The following KSR2 variants were observed in gnomAD, a reference collection of about 807,000 sequenced individuals.
KSR2 encodes kinase suppressor of ras 2.
KSR2 carries 25 observed loss-of-function variants against 107.8 expected under a neutral mutation model. The observed-to-expected ratio is 0.23, with a 90% confidence interval of 0.17 to 0.32. KSR2 has a LOEUF of 0.32. Among genes scored for constraint, KSR2 ranks in the 10% least tolerant of loss-of-function variants. The pLI, the probability that KSR2 is intolerant of heterozygous loss-of-function variation, is 1.00. For synonymous variants in KSR2, 480 were observed against 507.0 expected (o/e 0.95, Z 0.71); for missense variants, 887 against 1,268.9 (o/e 0.70, Z 4.57).
intron 5 of KSR2, among the ~76,000 whole-genome samples, chr12:117,625,371 C>T (rs879210638): frequency 1.3e-5 from 2 of 152,064 alleles, no homozygotes; most frequent in African/African-American, 4.8e-5. Context: ...TTTTGAGATA[C>T]GTCCCATCAT....
At chr12:117,474,542 G>A (rs1384472299) in intron 17 of KSR2, among the ~76,000 whole-genome samples, 4 of 151,886 alleles carry the variant, frequency 2.6e-5, no homozygotes, top group Admixed American at 6.6e-5. Flanking sequence ...TTCCCAAACC[G>A]CTTCCCCAGT....
intron 1 of KSR2, among the ~76,000 whole-genome samples, chr12:117,933,914 G>GGC (rs760694736): frequency 6.6e-6 from 1 of 152,144 alleles, no homozygotes; most frequent in Non-Finnish European, 1.5e-5. Flanking sequence ...AAAGATACAT[G>GGC]GCGCCTCTTA....
intron 2 of KSR2, 136 bp from the exon 3 acceptor site, chr12:117,855,714 G>T: frequency 1.2e-6 from 1 of 845,384 alleles, no homozygotes; most frequent in East Asian, 2.7e-5. Context: ...TCCGAATCTC[G>T]GGTTTGCCAC....
chr12:117,944,626 C>T (rs570503777), intron 1 of KSR2, among the ~76,000 whole-genome samples: 1 of 151,986 alleles, frequency 6.6e-6, no homozygotes, highest in African/African-American at 2.4e-5. Context: ...GAGGCGGAGA[C>T]AGGCAGACCT....
chr12:117,561,434 A>T (rs1298400602), intron 7 of KSR2, among the ~76,000 whole-genome samples: 1 of 152,228 alleles, frequency 6.6e-6, no homozygotes, highest in Non-Finnish European at 1.5e-5. Flanking sequence ...CAGCCCTAAG[A>T]AGTAGCAATT....
chr12:117,917,899 A>G (rs148769191), intron 1 of KSR2, among the ~76,000 whole-genome samples: 51 of 152,322 alleles, frequency 3.3e-4, no homozygotes, highest in African/African-American at 1.2e-3. Flanking sequence ...TAGGAGAGAT[A>G]ACAAAACCTG....
chr12:117,585,975 T>C (rs187446702), intron 5 of KSR2, among the ~76,000 whole-genome samples: 2 of 152,360 alleles, frequency 1.3e-5, no homozygotes, highest in Admixed American at 1.3e-4. Flanking sequence ...TTGCTGTTGA[T>C]GTCTTCTGAG....
intron 5 of KSR2, among the ~76,000 whole-genome samples, chr12:117,597,220 G>A (rs1290503378): frequency 1.3e-5 from 2 of 152,202 alleles, no homozygotes; most frequent in East Asian, 1.9e-4. Flanking sequence ...CACTGTGGTA[G>A]ACTGAATAAT....
chr12:117,835,916 T>C (rs1404490172), intron 3 of KSR2, among the ~76,000 whole-genome samples: 2 of 150,974 alleles, frequency 1.3e-5, no homozygotes, highest in South Asian at 2.1e-4. Context: ...GGATTAACGA[T>C]GAGCACTGTT....
intron 1 of KSR2, among the ~76,000 whole-genome samples, chr12:117,885,588 G>C (rs1377149185): frequency 6.6e-6 from 1 of 150,888 alleles, no homozygotes; most frequent in African/African-American, 2.4e-5. Context: ...ACATATATGT[G>C]CATGCTTATA....
At chr12:117,663,641 A>G (rs1486719877) in intron 5 of KSR2, among the ~76,000 whole-genome samples, 1 of 152,156 alleles carries the variant, frequency 6.6e-6, no homozygotes. Flanking sequence ...TAGACTCAAG[A>G]GGTTAAGTAA....
chr12:117,793,522 T>G (rs1342584613), intron 3 of KSR2, among the ~76,000 whole-genome samples: 1 of 74,116 alleles, frequency 1.3e-5, no homozygotes, highest in Non-Finnish European at 2.4e-5. Flanking sequence ...TATGCACACA[T>G]ACACCAACGT....
intron 1 of KSR2, among the ~76,000 whole-genome samples, chr12:117,880,172 G>T (rs1893983353): frequency 6.6e-6 from 1 of 152,010 alleles, no homozygotes; most frequent in African/African-American, 2.4e-5. Context: ...AAACAAAAAA[G>T]ATTTATATGA....
At chr12:117,509,147 A>G (rs1873883650) in intron 14 of KSR2, among the ~76,000 whole-genome samples, 1 of 152,170 alleles carries the variant, frequency 6.6e-6, no homozygotes, top group African/African-American at 2.4e-5. Context: ...GTCCAGCTAA[A>G]GATGAAGCAG....
intron 1 of KSR2, among the ~76,000 whole-genome samples, chr12:117,964,048 C>T (rs771014955): frequency 2.6e-5 from 4 of 152,182 alleles, no homozygotes; most frequent in East Asian, 1.9e-4. Flanking sequence ...GAGGCCGAGG[C>T]GGGCAGATCA....
chr12:117,714,397 C>G (rs930651475), intron 4 of KSR2, among the ~76,000 whole-genome samples: 1 of 151,954 alleles, frequency 6.6e-6, no homozygotes, highest in African/African-American at 2.4e-5. Flanking sequence ...CCCTAGGGAG[C>G]AGCAAAGAGG....
At chr12:117,667,145 C>T (rs949824527) in intron 5 of KSR2, among the ~76,000 whole-genome samples, 5 of 152,128 alleles carry the variant, frequency 3.3e-5, no homozygotes, top group South Asian at 4.1e-4. Flanking sequence ...AGAGAGAGGG[C>T]GGGTGCCTCC....
chr12:117,679,273 A>C (rs926038909), intron 4 of KSR2, among the ~76,000 whole-genome samples: 1 of 152,222 alleles, frequency 6.6e-6, no homozygotes, highest in Non-Finnish European at 1.5e-5. Flanking sequence ...CCTATGGTCC[A>C]GGTACCAGCT....
At chr12:117,895,914 C>T (rs1894496056) in intron 1 of KSR2, among the ~76,000 whole-genome samples, 1 of 152,112 alleles carries the variant, frequency 6.6e-6, no homozygotes, top group East Asian at 1.9e-4. Context: ...CAAAAATTAG[C>T]TAGGTATGGT....
Sources: allele counts gnomAD v4.1 joint callset (sites outside exome capture counted in the v4.1 genomes callset), GRCh38; gene constraint gnomAD v4.1.1; transcripts MANE v1.5; gene names NCBI Gene and HGNC (gene_info 2026-07-23, HGNC 2026-07-21).